PPP1R9A: variants seen among roughly 807,000 people sequenced by gnomAD.
PPP1R9A encodes the protein neurabin-1.
PPP1R9A carries 59 observed loss-of-function variants against 141.9 expected under a neutral mutation model. That is an observed-to-expected ratio of 0.42 (90% CI 0.34 to 0.52). The LOEUF is 0.52. Ranked by LOEUF, PPP1R9A falls within the 20% of genes least tolerant of loss-of-function variation. The pLI is 0.10. For missense variants in PPP1R9A, 1,444 were observed against 1,611.9 expected (o/e 0.90, Z 1.78); for synonymous variants, 500 against 569.7 (o/e 0.88, Z 1.74).
At chr7:94,999,292 G>A (rs867551851) in intron 2 of PPP1R9A, among the ~76,000 whole-genome samples, 1 of 152,116 alleles carries the variant, frequency 6.6e-6, no homozygotes, top group Non-Finnish European at 1.5e-5. Flanking sequence ...GAATCTAAGA[G>A]CTACAGTTTA....
Position 95,250,215 on chromosome 7 carries a change from T to C in PPP1R9A, c.2356T>C (p.Tyr786His). The C allele has an allele frequency of 1.2e-6, 2 of 1,612,864 alleles. No homozygotes were observed. Among genetic ancestry groups the C allele is most frequent in the Non-Finnish European group, 1.7e-6 (2 of 1,179,672 alleles). ...QSQYQALEKK[Y>H]NKAKKLIKDF... ...CCAGTATCAGGCCTTGGAAAAGAAA[T>C]ACAACAAGGCAAAGAAGTTGATCAA... Residue 786 changes from tyrosine (Y) to histidine (H), a missense_variant, in exon 10 of 20, where the codon TAC (tyrosine) becomes CAC (histidine). Around this residue, in one of 5 missense-constraint regions of PPP1R9A, gnomAD observed 488 missense variants for 542.0 expected, o/e 0.90. Coordinates refer to ENST00000433360, the MANE Select transcript of PPP1R9A (RefSeq NM_001166160.2).
At chr7:94,982,792 G>T (rs962702749) in intron 2 of PPP1R9A, among the ~76,000 whole-genome samples, 22 of 152,066 alleles carry the variant, frequency 1.4e-4, no homozygotes, top group Non-Finnish European at 2.2e-4. Context: ...TCACTCTGAT[G>T]GTAGTTTCTT....
intron 2 of PPP1R9A, among the ~76,000 whole-genome samples, chr7:95,088,343 G>A (rs1816904357): frequency 6.6e-6 from 1 of 151,876 alleles, no homozygotes; most frequent in Non-Finnish European, 1.5e-5. Context: ...ATATATGGTG[G>A]TACCCTTATA....
At position 95,111,335 on chromosome 7, in the gene PPP1R9A, A is replaced by G. The variant is rs142545502; in HGVS notation, c.1472A>G (p.Tyr491Cys). 30 of 1,613,576 alleles carry G rather than the reference A, an allele frequency of 1.9e-5. No homozygotes were observed. Among genetic ancestry groups the G allele is most frequent in the Non-Finnish European group, 2.4e-5 (28 of 1,179,680 alleles). Residue 491 changes from tyrosine to cysteine, a missense_variant, in exon 3 of 20, where the codon TAT becomes TGT. Transcript: ENST00000433360. ...GACCCTGTGGCTGCTTCAGCTGAGT[A>G]TGAACTTGAAAAACGTGTAGAAAAG... The part of the protein sequence containing the change: ...EVDPVAASAE[Y>C]ELEKRVEKLE...
At chr7:94,927,255 A>G (rs1486409976) in intron 2 of PPP1R9A, among the ~76,000 whole-genome samples, 3 of 152,180 alleles carry the variant, frequency 2.0e-5, no homozygotes, top group African/African-American at 7.2e-5. Flanking sequence ...TAGTATTTTC[A>G]GGGCCCTTGA....
intron 2 of PPP1R9A, among the ~76,000 whole-genome samples, chr7:94,959,597 A>G (rs1444687721): frequency 1.3e-5 from 2 of 151,698 alleles, no homozygotes; most frequent in Non-Finnish European, 3.0e-5. Context: ...TCACAAATTA[A>G]ACTTACAAAT....
intron 2 of PPP1R9A, among the ~76,000 whole-genome samples, chr7:94,968,263 C>T (rs1278842785): frequency 2.0e-5 from 3 of 151,710 alleles, no homozygotes; most frequent in Non-Finnish European, 4.4e-5. Context: ...AGCTCCGCCT[C>T]CCGGGTTCAC....
intron 3 of PPP1R9A, among the ~76,000 whole-genome samples, chr7:95,116,092 T>A (rs1313839899): frequency 6.6e-6 from 1 of 152,108 alleles, no homozygotes; most frequent in Non-Finnish European, 1.5e-5. Flanking sequence ...TTGGTAACAT[T>A]TACCACTTTA....
intron 2 of PPP1R9A, among the ~76,000 whole-genome samples, chr7:94,920,264 A>G (rs775234565): frequency 2.6e-5 from 4 of 152,218 alleles, no homozygotes; most frequent in African/African-American, 4.8e-5. Flanking sequence ...GAATAAAGAA[A>G]GAAATGTTTT....
chr7:95,106,036 T>A lies in PPP1R9A; in HGVS notation c.1396-5223T>A, dbSNP rs532405338. Among the ~76,000 whole-genome samples the A allele has an allele frequency of 1.4e-4, 21 of 152,258 alleles. 1 individual carries two copies. The South Asian group carries it at 4.1e-3, about 30-fold the overall frequency. On this transcript the variant is annotated intron_variant, in intron 2 of 19. Transcript: ENST00000433360. ...TTGGGAGACCAAGGTGGAAGGATCG[T>A]TTGAGGCCAAGAGATCAAGACCAGC...
chr7:95,214,836 C>T (rs914039202), intron 7 of PPP1R9A, among the ~76,000 whole-genome samples: 1 of 152,056 alleles, frequency 6.6e-6, no homozygotes, highest in African/African-American at 2.4e-5. Context: ...AGCAATATTA[C>T]CAATGACCTG....
intron 2 of PPP1R9A, among the ~76,000 whole-genome samples, chr7:94,979,717 G>T (rs1392120108): frequency 1.3e-5 from 2 of 152,152 alleles, no homozygotes; most frequent in African/African-American, 4.8e-5. Flanking sequence ...TTAGGTGAAG[G>T]AGTAAGGCTC....
chr7:94,966,887 A>G (rs1798279367), intron 2 of PPP1R9A, among the ~76,000 whole-genome samples: 2 of 152,174 alleles, frequency 1.3e-5, no homozygotes, highest in Non-Finnish European at 2.9e-5. Flanking sequence ...TTCAGCAGGA[A>G]TGGTTACTGC....
intron 2 of PPP1R9A, among the ~76,000 whole-genome samples, chr7:94,959,593 A>G (rs1797398141): frequency 6.6e-6 from 1 of 151,698 alleles, no homozygotes; most frequent in Non-Finnish European, 1.5e-5. Context: ...CATGTCACAA[A>G]TTAAACTTAC....
At chr7:94,911,633 A>C (rs1459552366) in intron 2 of PPP1R9A, 125 bp downstream of exon 2, 6 of 690,334 alleles carry the variant, frequency 8.7e-6, no homozygotes, top group Non-Finnish European at 1.4e-5. Context: ...TGATACCTTT[A>C]AAATCACCTG....
At chr7:94,913,412 T>G (rs1318323096) in intron 2 of PPP1R9A, among the ~76,000 whole-genome samples, 1 of 152,198 alleles carries the variant, frequency 6.6e-6, no homozygotes, top group East Asian at 1.9e-4. Flanking sequence ...TAGCAAATAA[T>G]GAAACATTAC....
chr7:95,048,790 G>A (rs112576565), intron 2 of PPP1R9A, among the ~76,000 whole-genome samples: 3,187 of 151,880 alleles, frequency 0.021, 118 homozygotes, highest in African/African-American at 0.073. Context: ...TGTGATCTGC[G>A]CACCTCAGCC....
chr7:95,263,114 T>A (rs2153035215), intron 12 of PPP1R9A, among the ~76,000 whole-genome samples: 1 of 152,232 alleles, frequency 6.6e-6, no homozygotes, highest in African/African-American at 2.4e-5. Flanking sequence ...TTTGACAAAG[T>A]TCCCTGGGCT....
chr7:95,128,221 T>C (rs1823923235), intron 4 of PPP1R9A, among the ~76,000 whole-genome samples: 4 of 152,208 alleles, frequency 2.6e-5, no homozygotes, highest in Admixed American at 2.6e-4. Context: ...TGGTGTGAAA[T>C]AATATCTCAT....
Sources: allele counts gnomAD v4.1 joint callset (sites outside exome capture counted in the v4.1 genomes callset), GRCh38; gene constraint gnomAD v4.1.1; regional missense constraint gnomAD v4.1.1; transcripts MANE v1.5; gene names NCBI Gene and HGNC (gene_info 2026-07-23, HGNC 2026-07-21).